The following HS1BP3 variants were observed in gnomAD, a reference collection of about 807,000 sequenced individuals.
HS1BP3 encodes the protein HCLS1 binding protein 3.
In HS1BP3, 32 loss-of-function variants were observed where a neutral mutation model predicts 33.5. The ratio of observed to expected loss-of-function variants is 0.95; its 90% CI spans 0.72 to 1.28. The LOEUF is 1.28. Ranked by LOEUF, HS1BP3 falls within the 50% of genes most tolerant of loss-of-function variation. The pLI is 0.00. For synonymous variants in HS1BP3, 187 were observed against 209.2 expected, an observed-to-expected ratio of 0.89 and a Z score of 0.92; for missense variants, 486 against 502.3, an observed-to-expected ratio of 0.97 and a Z score of 0.31.
At chr2:20,607,894 C>G (rs1694232888) in intron 2 of HS1BP3, among the ~76,000 whole-genome samples, 1 of 152,118 alleles carries the variant, frequency 6.6e-6, no homozygotes, top group Non-Finnish European at 1.5e-5. Context: ...CATGGAATGT[C>G]TTTTTATTTT....
At chr2:20,643,703 C>T (rs1261668393) in intron 2 of HS1BP3, among the ~76,000 whole-genome samples, 1 of 152,202 alleles carries the variant, frequency 6.6e-6, no homozygotes, top group African/African-American at 2.4e-5. Flanking sequence ...AGGAGGATTG[C>T]TTAAGCCCAG....
intron 2 of HS1BP3, among the ~76,000 whole-genome samples, chr2:20,644,839 A>G (rs1209802225): frequency 6.6e-6 from 1 of 152,110 alleles, no homozygotes; most frequent in Non-Finnish European, 1.5e-5. Context: ...CAGACTCTCC[A>G]CAATCTGGAT....
At chr2:20,571,640 C>G (rs1693276722) in intron 5 of HS1BP3, among the ~76,000 whole-genome samples, 1 of 152,208 alleles carries the variant, frequency 6.6e-6, no homozygotes, top group Non-Finnish European at 1.5e-5. Context: ...TCCCACTGCT[C>G]ACTCCCTCCA....
chr2:20,567,589 T>A (rs992979472), intron 5 of HS1BP3, among the ~76,000 whole-genome samples: 2 of 152,152 alleles, frequency 1.3e-5, no homozygotes, highest in African/African-American at 4.8e-5. Flanking sequence ...AAAGACCTAC[T>A]TCCCCCCCAG....
In HS1BP3 at chr2:20,607,493, A is replaced by G. The variant is rs577290891; in HGVS notation, c.179-9228T>C. 6.6e-5 allele frequency among the ~76,000 whole-genome samples: 10 copies of G among 152,262 alleles called. No homozygotes were observed. The South Asian group carries it at 8.3e-4, about 13-fold the overall frequency. On this transcript the variant is annotated intron_variant, in intron 2 of 3. Coordinates refer to the HS1BP3 transcript ENST00000415264. Reference sequence around the variant, plus strand: ...CTTTTACACGTGGATGTCCCCTCCAATACAATTTCTTGGGAGGCTATTCTG... The same window carrying G: ...CTTTTACACGTGGATGTCCCCTCCAGTACAATTTCTTGGGAGGCTATTCTG...
intron 2 of HS1BP3, among the ~76,000 whole-genome samples, chr2:20,603,024 AGCT>A (rs1449919052): frequency 3.3e-5 from 5 of 152,244 alleles, no homozygotes; most frequent in Non-Finnish European, 7.3e-5. Context: ...AACCACCATG[AGCT>A]GTCACTTCAC....
At chr2:20,580,662 T>A (rs1286030331) in intron 5 of HS1BP3, among the ~76,000 whole-genome samples, 1 of 152,192 alleles carries the variant, frequency 6.6e-6, no homozygotes. Flanking sequence ...GTTGTCAACC[T>A]CGCTAGTTAT....
rs756327124 is a variant in HS1BP3, at chr2:20,623,990, G to T, written c.826C>A (p.Pro276Thr). ...GGCAGCAGGAGGGAGTCACCCAGGG[G>T]GATGGCCCCGCCGAGGTCAGGATCA... ...FDDPDLGGAI[P>T]LGDSLLLPAA... Residue 276 changes from proline to threonine, a missense_variant, in exon 6 of 7, where the codon CCC becomes ACC. Pro to Thr is a conservative substitution (Grantham distance 38, BLOSUM62 -1). Coordinates refer to ENST00000304031, the MANE Select transcript of HS1BP3 (RefSeq NM_022460.4). 6.2e-7 allele frequency: 1 copy of T among 1,612,272 alleles called. No homozygotes were observed. The highest frequency in any genetic ancestry group is 1.1e-5 in the South Asian group (1 of 91,008).
At chr2:20,573,129 C>G (rs1477052967) in intron 5 of HS1BP3, among the ~76,000 whole-genome samples, 1 of 152,178 alleles carries the variant, frequency 6.6e-6, no homozygotes, top group African/African-American at 2.4e-5. Context: ...TACCTGGGAA[C>G]AAGATCTTAC....
the HS1BP3 span, among the ~76,000 whole-genome samples, chr2:20,554,488 C>T: frequency 5.8e-3 from 884 of 152,224 alleles, 2 homozygotes; most frequent in Non-Finnish European, 8.2e-3. Flanking sequence ...TTTGGGAGGC[C>T]GAGGCCGGCG....
At chr2:20,581,161 G>A (rs1244923089) in intron 5 of HS1BP3, among the ~76,000 whole-genome samples, 1 of 152,134 alleles carries the variant, frequency 6.6e-6, no homozygotes, top group Non-Finnish European at 1.5e-5. Context: ...GGCCTGATGG[G>A]GGCTTTGGAT....
chr2:20,567,331 A>T (rs530344995), intron 5 of HS1BP3, among the ~76,000 whole-genome samples: 1 of 152,330 alleles, frequency 6.6e-6, no homozygotes, highest in East Asian at 1.9e-4. Context: ...AGCTGGGGGC[A>T]TCTCAGCCTT....
intron 6 of HS1BP3, among the ~76,000 whole-genome samples, chr2:20,621,341 A>G (rs1016052267): frequency 6.6e-6 from 1 of 152,240 alleles, no homozygotes. Context: ...AACCCCAGAG[A>G]GAGAATTCAG....
chr2:20,585,257 A>G lies in HS1BP3; in HGVS notation c.303-24742T>C, dbSNP rs114527862. 4.1e-3 allele frequency among the ~76,000 whole-genome samples: 630 copies of G among 152,236 alleles called. 4 individuals are homozygous for G. The highest frequency in any genetic ancestry group is 0.015 in the African/African-American group (613 of 41,528). On this transcript the variant is annotated intron_variant, in intron 5 of 5. Coordinates refer to the HS1BP3 transcript ENST00000446825. ...CTCACAAGCACGGCTCACATCACTG[A>G]GGGTTTATTCAGAGCTCAGCGCTAG... is the stretch of plus-strand genomic sequence containing the variant.
Position 20,618,427 on chromosome 2 carries a change from G to GC in HS1BP3, c.*559dup. 1 of 153,770 alleles carries GC rather than the reference G, an allele frequency of 6.5e-6. No homozygotes were observed. Among genetic ancestry groups the GC allele is most frequent in the African/African-American group, 2.4e-5 (1 of 41,554 alleles). 9.5% of individuals were successfully genotyped at this position (153,770 alleles called of 1,614,324 possible). A position where few individuals can be genotyped will look rare whatever the true frequency, so the allele number is the denominator to read the frequency against. On this transcript the variant is annotated 3_prime_UTR_variant, in exon 7 of 7. Transcript: ENST00000304031. The stretch of plus-strand genomic sequence containing the variant: ...TGCAGGCCCCTGGCAGCCACGAGGA[G>GC]CAGAGGCCCTGGAGTAATTTGGCTT...
intron 4 of HS1BP3, chr2:20,638,074 G>A (rs537489516): frequency 1.2e-4 from 50 of 428,302 alleles, no homozygotes; most frequent in Non-Finnish European, 1.4e-4. Context: ...CCACCTCTGC[G>A]AGTCCCACAG....
chr2:20,629,127 A>C (rs1477179474), intron 4 of HS1BP3, among the ~76,000 whole-genome samples: 1 of 152,220 alleles, frequency 6.6e-6, no homozygotes, highest in African/African-American at 2.4e-5. Context: ...AGGTGATGAC[A>C]GGTTTCTGAT....
At chr2:20,586,019 AC>A (rs66686469) in intron 5 of HS1BP3, among the ~76,000 whole-genome samples, 25,885 of 152,188 alleles carry the variant, frequency 0.17, 2,216 homozygotes, top group Middle Eastern at 0.27. Flanking sequence ...AGCCTAGCAA[AC>A]ACTCTGCAGT....
chr2:20,640,843 T>G, intron 3 of HS1BP3, 130 bp downstream of exon 3: 1 of 876,576 alleles, frequency 1.1e-6, no homozygotes, highest in Non-Finnish European at 1.9e-6. Context: ...CGAGGCCACC[T>G]GCCTCACCAG....
Sources: gnomAD v4.1 joint callset for allele counts (sites outside exome capture counted in the v4.1 genomes callset) on GRCh38, gnomAD v4.1.1 for gene constraint, MANE v1.5 for transcripts, NCBI Gene and HGNC (gene_info 2026-07-23, HGNC 2026-07-21) for gene names.